SLC35F1: variants seen among roughly 807,000 people sequenced by gnomAD.
SLC35F1 encodes solute carrier family 35 member F1, also known as chromosome 6 open reading frame 169.
Under a neutral mutation model 48.7 loss-of-function variants are expected in SLC35F1, and 14 were observed. The observed-to-expected ratio is 0.29, with a 90% CI of 0.19 to 0.45. The LOEUF is 0.45. SLC35F1 is among the 20% of genes least tolerant of loss of function. The pLI is 1.00. For missense variants in SLC35F1, 404 were observed against 500.0 expected (o/e 0.81, Z 1.83); for synonymous variants, 190 against 202.2 (o/e 0.94, Z 0.51).
At chr6:118,198,601 A>T (rs150474102) in intron 2 of SLC35F1, among the ~76,000 whole-genome samples, 1 of 152,360 alleles carries the variant, frequency 6.6e-6, no homozygotes, top group East Asian at 1.9e-4. Flanking sequence ...TAGAAAATAC[A>T]TTTAAGCATA....
chr6:118,034,632 C>A lies in SLC35F1; in HGVS notation c.174-119813C>A, dbSNP rs972492258. The stretch of plus-strand genomic sequence containing the variant: ...TAAATCAGGCCTGAACTGGAGTGGG[C>A]CTGTGGTCTGTAGTTTCTCTGCTAT... On this transcript the variant is annotated intron_variant, in intron 1 of 7. Coordinates refer to ENST00000360388, the MANE Select transcript of SLC35F1 (RefSeq NM_001029858.4). Among the ~76,000 whole-genome samples, 3 of 152,146 alleles carry A rather than the reference C, an allele frequency of 2.0e-5. No homozygotes were observed. The South Asian group carries it at 6.2e-4, about 32-fold the overall frequency.
intron 1 of SLC35F1, among the ~76,000 whole-genome samples, chr6:118,152,707 C>A (rs1420253985): frequency 6.6e-6 from 1 of 151,700 alleles, no homozygotes; most frequent in South Asian, 2.1e-4. Context: ...TCCCCTCCCC[C>A]ACATTCTGTT....
At chr6:117,981,287 A>G (rs1776778411) in intron 1 of SLC35F1, among the ~76,000 whole-genome samples, 1 of 152,084 alleles carries the variant, frequency 6.6e-6, no homozygotes, top group Non-Finnish European at 1.5e-5. Flanking sequence ...AGACATGGAG[A>G]TGGTGTTGGA....
chr6:117,920,983 A>T (rs928323790), intron 1 of SLC35F1, among the ~76,000 whole-genome samples: 1 of 151,936 alleles, frequency 6.6e-6, no homozygotes, highest in African/African-American at 2.4e-5. Flanking sequence ...AATGAATATG[A>T]GATATTATTT....
intron 1 of SLC35F1, among the ~76,000 whole-genome samples, chr6:117,938,852 G>A (rs985696518): frequency 7.2e-5 from 9 of 125,860 alleles, no homozygotes; most frequent in South Asian, 2.6e-4. Context: ...CCCCTCCCCC[G>A]CCCTCAGGCC....
At chr6:117,935,702 C>G (rs1198060338) in intron 1 of SLC35F1, among the ~76,000 whole-genome samples, 1 of 152,106 alleles carries the variant, frequency 6.6e-6, no homozygotes, top group Non-Finnish European at 1.5e-5. Flanking sequence ...AAATGTGAAA[C>G]ATAGCACTAA....
chr6:117,975,482 A>T (rs944422786), intron 1 of SLC35F1, among the ~76,000 whole-genome samples: 18 of 151,972 alleles, frequency 1.2e-4, no homozygotes, highest in Admixed American at 3.3e-4. Context: ...TGCCTTGAAA[A>T]TTTTTTTTCA....
intron 1 of SLC35F1, among the ~76,000 whole-genome samples, chr6:117,964,398 G>T (rs1364746646): frequency 6.6e-6 from 1 of 152,150 alleles, no homozygotes; most frequent in Non-Finnish European, 1.5e-5. Context: ...CTTCTCTAGT[G>T]CAGACTCCAC....
At chr6:118,177,208 C>T (rs566735418) in intron 2 of SLC35F1, among the ~76,000 whole-genome samples, 5 of 152,186 alleles carry the variant, frequency 3.3e-5, no homozygotes, top group African/African-American at 1.2e-4. Flanking sequence ...TGCCTATCAT[C>T]GCTTTCCTTG....
At chr6:117,992,764 G>C (rs996921012) in intron 1 of SLC35F1, among the ~76,000 whole-genome samples, 3 of 152,348 alleles carry the variant, frequency 2.0e-5, no homozygotes, top group Non-Finnish European at 2.9e-5. Flanking sequence ...ATAGTGCAGA[G>C]AGAAATTCAA....
intron 1 of SLC35F1, among the ~76,000 whole-genome samples, chr6:118,043,060 T>C (rs755190830): frequency 4.6e-5 from 7 of 152,180 alleles, no homozygotes; most frequent in Non-Finnish European, 7.4e-5. Flanking sequence ...ACTGTGCGGT[T>C]AGGATTCTAT....
rs139366138 is a variant in SLC35F1 at position 118,043,893 on chromosome 6, G to A, written c.174-110552G>A. 1.7e-4 allele frequency among the ~76,000 whole-genome samples: 26 copies of A among 152,264 alleles called. No individual in the cohort carries two copies. In the East Asian group the frequency reaches 4.4e-3, roughly 26 times the overall value. On this transcript the variant is annotated intron_variant, in intron 1 of 7. Coordinates refer to ENST00000360388, the MANE Select transcript of SLC35F1 (RefSeq NM_001029858.4). Reference sequence around the variant, plus strand: ...ATTTTCAAAATTGCTTTTAAATCAGGCCTTTTAGAGGAATCTGATTTTCCC... The same window carrying A: ...ATTTTCAAAATTGCTTTTAAATCAGACCTTTTAGAGGAATCTGATTTTCCC...
At position 118,222,625 on chromosome 6, in the gene SLC35F1, A is replaced by G. The variant is rs192445183; in HGVS notation, c.350-12884A>G. 5.3e-5 allele frequency among the ~76,000 whole-genome samples: 8 copies of G among 152,366 alleles called. No homozygotes were observed. The East Asian group carries it at 1.5e-3, about 29-fold the overall frequency. ...TTTTCATTTACCAATTTTCAAAATA[A>G]TAAGTTGGTTTACTAACATCTTCCA... is the stretch of plus-strand genomic sequence containing the variant. On this transcript the variant is annotated intron_variant, in intron 2 of 7. Coordinates refer to ENST00000360388, the MANE Select transcript of SLC35F1 (RefSeq NM_001029858.4).
chr6:117,954,549 G>A (rs1301591492), intron 1 of SLC35F1, among the ~76,000 whole-genome samples: 1 of 152,190 alleles, frequency 6.6e-6, no homozygotes, highest in Non-Finnish European at 1.5e-5. Context: ...GTGAGCCACT[G>A]CGCTTGGCTG....
At chr6:117,945,807 C>T (rs1046829638) in intron 1 of SLC35F1, among the ~76,000 whole-genome samples, 5 of 152,138 alleles carry the variant, frequency 3.3e-5, no homozygotes, top group Non-Finnish European at 7.4e-5. Flanking sequence ...CTTTGTAGGA[C>T]CATTTTTAAT....
At chr6:118,234,523 A>C (rs1324261108) in intron 2 of SLC35F1, among the ~76,000 whole-genome samples, 1 of 152,188 alleles carries the variant, frequency 6.6e-6, no homozygotes, top group Non-Finnish European at 1.5e-5. Context: ...ATGACACTGC[A>C]TTCCCGGTTG....
At chr6:118,057,363 C>T (rs1019579432) in intron 1 of SLC35F1, among the ~76,000 whole-genome samples, 1 of 152,138 alleles carries the variant, frequency 6.6e-6, no homozygotes, top group Non-Finnish European at 1.5e-5. Context: ...CTGCCAATCC[C>T]AGTCCCAGAG....
At chr6:118,210,815 C>T (rs555233373) in intron 2 of SLC35F1, among the ~76,000 whole-genome samples, 61 of 152,266 alleles carry the variant, frequency 4.0e-4, no homozygotes, top group Admixed American at 1.9e-3. Flanking sequence ...TCTGGGTCAG[C>T]GTGGAGCCAT....
chr6:118,216,079 G>GTTTTTTT (rs780712153), intron 2 of SLC35F1, among the ~76,000 whole-genome samples: 2 of 37,542 alleles, frequency 5.3e-5, no homozygotes, highest in African/African-American at 1.5e-4. Flanking sequence ...CTTGTTTTTT[G>GTTTTTTT]TTTTTTGTTT....
Sources: gnomAD v4.1 joint callset for allele counts (sites outside exome capture counted in the v4.1 genomes callset) on GRCh38, gnomAD v4.1.1 for gene constraint, MANE v1.5 for transcripts, NCBI Gene and HGNC (gene_info 2026-07-23, HGNC 2026-07-21) for gene names.